The following TNKS2 variants were observed in gnomAD, a reference collection of about 807,000 sequenced individuals.
TNKS2 encodes tankyrase 2.
Under a neutral mutation model 137.6 loss-of-function variants are expected in TNKS2, and 72 were observed. The ratio of observed to expected loss-of-function variants is 0.52; its 90% CI spans 0.43 to 0.64. The LOEUF (loss-of-function observed/expected upper bound fraction) is 0.64, where lower values mean the gene tolerates loss of function less well. Ranked by LOEUF, TNKS2 falls within the 30% of genes least tolerant of loss-of-function variation. The pLI is 0.00. For missense variants in TNKS2, 1,049 were observed against 1,410.2 expected (o/e 0.74, Z 4.10); for synonymous variants, 516 against 512.1 (o/e 1.01, Z -0.10).
Position 91,863,527 on chromosome 10 carries a change from C to G in TNKS2, c.*528C>G, listed in dbSNP as rs1453383899. 2 of 152,514 alleles carry G rather than the reference C, an allele frequency of 1.3e-5. No individual in the cohort carries two copies. Among genetic ancestry groups the G allele is most frequent in the Non-Finnish European group, 2.9e-5 (2 of 68,028 alleles). 9.4% of individuals were successfully genotyped at this position (152,514 alleles called of 1,614,324 possible). A position where few individuals can be genotyped will look rare whatever the true frequency, so the allele number is the denominator to read the frequency against. ...TGTTCATCTATACTTCATCTTACAT[C>G]GTCATGATTGAGTGATCTTTACATT... On this transcript the variant is annotated 3_prime_UTR_variant, in exon 27 of 27. Transcript: ENST00000371627.
intron 19 of TNKS2, 33 bp downstream of exon 19, chr10:91,848,668 G>T: frequency 6.2e-7 from 1 of 1,607,988 alleles, no homozygotes; most frequent in Non-Finnish European, 8.5e-7. Context: ...CTTTCTAACT[G>T]GTATTGTAGC....
chr10:91,809,315 G>A (rs1327297504), intron 1 of TNKS2, among the ~76,000 whole-genome samples: 2 of 152,172 alleles, frequency 1.3e-5, no homozygotes, highest in African/African-American at 2.4e-5. Flanking sequence ...TATTACCTAT[G>A]GTGTTCACAT....
intron 7 of TNKS2, among the ~76,000 whole-genome samples, chr10:91,822,890 A>G (rs999861386): frequency 2.6e-5 from 4 of 151,838 alleles, no homozygotes; most frequent in Non-Finnish European, 4.4e-5. Flanking sequence ...ATAAAGTAGC[A>G]CTGTCATCTT....
intron 9 of TNKS2, among the ~76,000 whole-genome samples, chr10:91,829,209 CTA>C (rs1230484105): frequency 6.6e-6 from 1 of 151,706 alleles, no homozygotes; most frequent in East Asian, 1.9e-4. Context: ...ATAATGTAAA[CTA>C]TGAAATTTAT....
chr10:91,845,056 A>T, intron 17 of TNKS2, 28 bp downstream of exon 17: 2 of 1,470,010 alleles, frequency 1.4e-6, no homozygotes, highest in South Asian at 1.2e-5. Context: ...ACCTTTAAAA[A>T]TTTGTGGAAT....
In TNKS2 at chr10:91,819,831, G is replaced by A. The variant is rs201715631; in HGVS notation, c.634-108G>A. 1.7e-4 allele frequency: 147 copies of A among 890,368 alleles called. 2 individuals are homozygous for A. In the East Asian group the frequency reaches 3.9e-3, roughly 24 times the overall value. The allele number at this position is 890,368 out of a possible 1,614,324, so 55.2% of individuals were successfully genotyped here. A position where few individuals can be genotyped will look rare whatever the true frequency, so the allele number is the denominator to read the frequency against. On this transcript the variant is annotated intron_variant, in intron 5 of 26. Transcript: ENST00000371627. ...GTAAAACCAAATTGATAACTACTTA[G>A]CGAAGTTATAATTGGATTTTCTGGT...
At chr10:91,812,049 A>T (rs1203027806) in intron 1 of TNKS2, among the ~76,000 whole-genome samples, 1 of 130,934 alleles carries the variant, frequency 7.6e-6, no homozygotes, top group Non-Finnish European at 1.6e-5. Flanking sequence ...ACAGAGCGAC[A>T]CTCCGTCTCA....
intron 23 of TNKS2, among the ~76,000 whole-genome samples, chr10:91,856,071 G>A (rs550944131): frequency 6.6e-6 from 1 of 151,880 alleles, no homozygotes; most frequent in East Asian, 1.9e-4. Flanking sequence ...TATCCTGATT[G>A]ACTACAGGTT....
At chr10:91,812,481 T>C (rs1216800320) in intron 1 of TNKS2, among the ~76,000 whole-genome samples, 1 of 152,212 alleles carries the variant, frequency 6.6e-6, no homozygotes, top group Admixed American at 6.5e-5. Flanking sequence ...TAGACAAATA[T>C]TAGCTGTGAG....
At chr10:91,812,620 T>C (rs1844545774) in intron 1 of TNKS2, 1 of 251,998 alleles carries the variant, frequency 4.0e-6, no homozygotes, top group Non-Finnish European at 6.3e-6. Flanking sequence ...CATATTTAAG[T>C]TTTATACTTT....
intron 11 of TNKS2, 75 bp from the exon 12 acceptor site, chr10:91,833,778 A>C: frequency 8.3e-7 from 1 of 1,202,724 alleles, no homozygotes; most frequent in East Asian, 2.6e-5. Context: ...AAGTAGTAAA[A>C]AGTGTTAAAT....
Position 91,827,156 on chromosome 10 carries a change from G to T in TNKS2, c.935G>T (p.Ser312Ile). ...ACACTGCTCAATTGTCACAATAAAA[G>T]TGCTATAGACTTGGCTCCCACACCA... ...DPTLLNCHNK[S>I]AIDLAPTPQL... is the part of the protein sequence containing the mutation. Residue 312 changes from serine (S) to isoleucine (I), a missense_variant, in exon 8 of 27, where the codon AGT (serine) becomes ATT (isoleucine). By Grantham distance (142) the Ser-to-Ile change is moderately radical. This residue lies in a region of TNKS2 where 374 missense variants were observed against 460.8 expected (regional missense o/e 0.81). Transcript: ENST00000371627. 6.3e-7 allele frequency: 1 copy of T among 1,598,410 alleles called. No individual in the cohort carries two copies. The highest frequency in any genetic ancestry group is 8.5e-7 in the Non-Finnish European group (1 of 1,172,022).
In TNKS2 at chr10:91,863,216, T is replaced by C. The variant is rs1842897964; in HGVS notation, c.*217T>C. 2 of 439,922 alleles carry C rather than the reference T, an allele frequency of 4.5e-6. No individual in the cohort carries two copies. The highest frequency in any genetic ancestry group is 3.7e-5 in the East Asian group (1 of 27,194). The allele number at this position is 439,922 out of a possible 1,614,324, so 27.3% of individuals were successfully genotyped here. ...CCTGTTTTTTCAGCACTTTAACAGATGCCATTCCAGGTTAAACTGGGTTGT... is the reference window on the plus strand; with the variant it reads ...CCTGTTTTTTCAGCACTTTAACAGACGCCATTCCAGGTTAAACTGGGTTGT... On this transcript the variant is annotated 3_prime_UTR_variant, in exon 27 of 27. Transcript: ENST00000371627.
At position 91,834,012 on chromosome 10, in the gene TNKS2, C is replaced by A. The variant is rs1354548758; in HGVS notation, c.1435C>A (p.Gln479Lys). The change falls in exon 12 of 27, where the codon CAA becomes AAA. Residue 479 changes from glutamine (Q) to lysine (K), a missense_variant. Physicochemically the swap from Gln to Lys is moderately conservative, Grantham distance 53. Coordinates refer to ENST00000371627, the MANE Select transcript of TNKS2 (RefSeq NM_025235.4). ...ACAGATGGGAAATGAAAATGTACAG[C>A]AACTCCTCCAAGGTATTACATGCTT... is the stretch of plus-strand genomic sequence containing the variant. Reference protein sequence around the residue: ...ALQMGNENVQQLLQEGISLGN... With the variant: ...ALQMGNENVQKLLQEGISLGN... The A allele has an allele frequency of 6.3e-7, 1 of 1,599,102 alleles. No homozygotes were observed.
chr10:91,844,153 G>C (rs1842294283), intron 16 of TNKS2, among the ~76,000 whole-genome samples: 1 of 152,140 alleles, frequency 6.6e-6, no homozygotes, highest in South Asian at 2.1e-4. Context: ...AGTTGTCTTT[G>C]TAAGTCACAA....
At chr10:91,801,518 G>T (rs1180631317) in intron 1 of TNKS2, among the ~76,000 whole-genome samples, 1 of 151,250 alleles carries the variant, frequency 6.6e-6, no homozygotes, top group African/African-American at 2.4e-5. Context: ...CTGTCTCCCA[G>T]GCTGGAGTGC....
intron 13 of TNKS2, 108 bp downstream of exon 13, chr10:91,837,106 C>T: frequency 9.7e-7 from 1 of 1,026,020 alleles, no homozygotes; most frequent in East Asian, 2.9e-5. Flanking sequence ...TGGGCCTTGC[C>T]TTAAAAGGTC....
At position 91,822,425 on chromosome 10, in the gene TNKS2, T is replaced by A. The variant is rs530757644; in HGVS notation, c.795+63T>A. On this transcript the variant is annotated intron_variant, in intron 7 of 26. Coordinates refer to ENST00000371627, the MANE Select transcript of TNKS2 (RefSeq NM_025235.4). The stretch of plus-strand genomic sequence containing the variant: ...TTATATAAAATAACTTGAAATACAT[T>A]AGTATGTCTGGGTTTCTTTTTATTT... The A allele has an allele frequency of 2.1e-5, 28 of 1,304,442 alleles. No homozygotes were observed. The East Asian group carries it at 6.2e-4, about 29-fold the overall frequency. 80.8% of individuals were successfully genotyped at this position (1,304,442 alleles called of 1,614,324 possible). A position where few individuals can be genotyped will look rare whatever the true frequency, so the allele number is the denominator to read the frequency against.
chr10:91,807,372 A>T (rs556966774), intron 1 of TNKS2: 2 of 1,614,044 alleles, frequency 1.2e-6, no homozygotes, highest in African/African-American at 2.7e-5. Context: ...ACGTGCCTTC[A>T]TAGGGTCAGC....
Sources: allele counts gnomAD v4.1 joint callset (sites outside exome capture counted in the v4.1 genomes callset), GRCh38; gene constraint gnomAD v4.1.1; regional missense constraint gnomAD v4.1.1; transcripts MANE v1.5; gene names NCBI Gene and HGNC (gene_info 2026-07-23, HGNC 2026-07-21).